The following BCL9 variants were observed in gnomAD, a reference collection of about 807,000 sequenced individuals.
BCL9 encodes the protein B-cell CLL/lymphoma 9 protein.
A neutral mutation model predicts 88.5 loss-of-function variants in BCL9; 25 were observed. That is an observed-to-expected ratio of 0.28 (90% CI 0.21 to 0.39). The LOEUF is 0.39. Ranked by LOEUF, BCL9 falls within the 10% of genes least tolerant of loss-of-function variation. BCL9 has a pLI of 1.00. For synonymous variants in BCL9, 711 were observed against 673.3 expected, an observed-to-expected ratio of 1.06 and a Z score of -0.87; for missense variants, 1,817 against 1,877.8, an observed-to-expected ratio of 0.97 and a Z score of 0.60.
At chr1:147,544,445 C>T in intron 1 of BCL9, among the ~76,000 whole-genome samples, 1 of 152,154 alleles carries the variant, frequency 6.6e-6, no homozygotes, top group East Asian at 1.9e-4. Context: ...TTTCTTAGCA[C>T]ACAGACCAAC....
chr1:147,563,665 G>A (rs1280358873), intron 1 of BCL9, among the ~76,000 whole-genome samples: 6 of 152,204 alleles, frequency 3.9e-5, no homozygotes, highest in African/African-American at 1.4e-4. Context: ...CAGTGTCCAA[G>A]TGAGTGTCCT....
rs139276872 is a variant in BCL9 at position 147,615,840 on chromosome 1, A to G, written c.598A>G (p.Ile200Val). The G allele has an allele frequency of 3.5e-5, 56 of 1,614,082 alleles. No homozygotes were observed. The highest frequency in any genetic ancestry group is 4.4e-5 in the Non-Finnish European group (52 of 1,180,038). ...TGTTTTGAAGGGCCAGGTTGAAACTATCGTCTCTTTCCACATCCAGAACAT... is the reference window on the plus strand; with the variant it reads ...TGTTTTGAAGGGCCAGGTTGAAACTGTCGTCTCTTTCCACATCCAGAACAT... ...EAVLKGQVET[I>V]VSFHIQNISN... is the part of the protein sequence containing the mutation. The change falls in exon 7 of 10, where the codon ATC (isoleucine) becomes GTC (valine). Residue 200 changes from isoleucine (I) to valine (V), a missense_variant. Physicochemically the swap from Ile to Val is conservative, Grantham distance 29. Transcript: ENST00000234739.
intron 1 of BCL9, among the ~76,000 whole-genome samples, chr1:147,554,868 T>A (rs1219223267): frequency 6.6e-6 from 1 of 151,962 alleles, no homozygotes; most frequent in Non-Finnish European, 1.5e-5. Context: ...TTGTTGAGAG[T>A]GCTTGCCTCA....
At chr1:147,550,678 C>T (rs915237034) in intron 1 of BCL9, among the ~76,000 whole-genome samples, 30 of 152,020 alleles carry the variant, frequency 2.0e-4, no homozygotes, top group African/African-American at 7.0e-4. Context: ...GCTTCAAAGC[C>T]TGTGCTTTCT....
intron 1 of BCL9, among the ~76,000 whole-genome samples, chr1:147,567,071 C>T (rs1488834809): frequency 3.3e-5 from 5 of 152,130 alleles, no homozygotes; most frequent in Non-Finnish European, 7.3e-5. Flanking sequence ...CATTCCAATA[C>T]TGATATTATC....
At chr1:147,589,151 T>C (rs112672361) in intron 1 of BCL9, among the ~76,000 whole-genome samples, 170 of 152,320 alleles carry the variant, frequency 1.1e-3, no homozygotes, top group African/African-American at 3.8e-3. Context: ...ATCTTCCTTT[T>C]CTCTTGCATA....
At chr1:147,542,979 A>G (rs1004662476) in intron 1 of BCL9, among the ~76,000 whole-genome samples, 15 of 152,306 alleles carry the variant, frequency 9.8e-5, no homozygotes, top group Non-Finnish European at 4.4e-5. Context: ...GAGAGTAAAT[A>G]TCTTACTGTG....
At chr1:147,542,108 A>T (rs1553193864) in intron 1 of BCL9, among the ~76,000 whole-genome samples, 1 of 152,110 alleles carries the variant, frequency 6.6e-6, no homozygotes, top group Non-Finnish European at 1.5e-5. Flanking sequence ...CCGCCGAGTG[A>T]CTGCAGAGAT....
At chr1:147,588,804 C>A (rs2101566527) in intron 1 of BCL9, among the ~76,000 whole-genome samples, 1 of 152,304 alleles carries the variant, frequency 6.6e-6, no homozygotes, top group South Asian at 2.1e-4. Flanking sequence ...TTTTGAGACC[C>A]TGCACTCCCT....
chr1:147,625,373 G>C lies in BCL9; in HGVS notation c.*414G>C, dbSNP rs1553206452. The C allele has an allele frequency of 4.2e-6, 1 of 238,260 alleles. No homozygotes were observed. Among genetic ancestry groups the C allele is most frequent in the Non-Finnish European group, 8.3e-6 (1 of 120,876 alleles). 14.8% of individuals were successfully genotyped at this position (238,260 alleles called of 1,614,324 possible). A position where few individuals can be genotyped will look rare whatever the true frequency, so the allele number is the denominator to read the frequency against. ...TGGGCTTTATTTTTTTCTGTGTACT[G>C]TACTATATTGTAAAAGGGATTTTAG... On this transcript the variant is annotated 3_prime_UTR_variant, in exon 10 of 10. Coordinates refer to ENST00000234739, the MANE Select transcript of BCL9 (RefSeq NM_004326.4).
At position 147,620,890 on chromosome 1, in the gene BCL9, G is replaced by T. The variant is rs1553205234; in HGVS notation, c.2735G>T (p.Gly912Val). ...TCCATTAAGTCCCCCCCTGTTTTGG[G>T]GTCTGCTGCTGCTTCACCTGTCCAC... is the stretch of plus-strand genomic sequence containing the variant. ...AASIKSPPVL[G>V]SAAASPVHLK... The change falls in exon 8 of 10, where the codon GGG becomes GTG. Residue 912 changes from glycine (G) to valine (V), a missense_variant. Gly to Val is a moderately radical substitution (Grantham distance 109). Around this residue, in one of 2 missense-constraint regions of BCL9, gnomAD observed 1,228 missense variants for 1,191.6 expected, o/e 1.03. Transcript: ENST00000234739. The T allele has an allele frequency of 2.5e-6, 4 of 1,613,964 alleles. No individual in the cohort carries two copies. The African/African-American group carries it at 5.3e-5, about 22-fold the overall frequency.
chr1:147,624,777 G>T lies in BCL9; in HGVS notation c.4099G>T (p.Gly1367Trp), dbSNP rs782351868. 6.2e-7 allele frequency: 1 copy of T among 1,614,096 alleles called. No individual in the cohort carries two copies. The highest frequency in any genetic ancestry group is 1.7e-5 in the Admixed American group (1 of 60,010). The part of the protein sequence containing the change: ...MIPGKDRGPA[G>W]LYTHPGPVGS... ...TCCTGGCAAGGATCGGGGGCCTGCCGGGCTCTACACCCACCCTGGGCCTGT... is the reference window on the plus strand; with the variant it reads ...TCCTGGCAAGGATCGGGGGCCTGCCTGGCTCTACACCCACCCTGGGCCTGT... Residue 1367 changes from glycine to tryptophan, a missense_variant, in exon 10 of 10, where the codon GGG (glycine) becomes TGG (tryptophan). Gly to Trp is a radical substitution (Grantham distance 184). Coordinates refer to ENST00000234739, the MANE Select transcript of BCL9 (RefSeq NM_004326.4). The surrounding 1 kb of genome is among the most constrained non-coding windows in gnomAD (Gnocchi z 4.4).
At chr1:147,617,431 A>G (rs1020988402) in intron 7 of BCL9, among the ~76,000 whole-genome samples, 2 of 152,216 alleles carry the variant, frequency 1.3e-5, no homozygotes, top group African/African-American at 4.8e-5. Flanking sequence ...AAATGGCACT[A>G]GAAGGAAAAT....
intron 1 of BCL9, among the ~76,000 whole-genome samples, chr1:147,573,008 C>T (rs1158073094): frequency 2.6e-5 from 4 of 152,216 alleles, no homozygotes; most frequent in Admixed American, 2.0e-4. Flanking sequence ...TATGTGTGTA[C>T]TCACATGTGT....
At position 147,548,597 on chromosome 1, in the gene BCL9, AT is replaced by A. The variant is rs1654727946; in HGVS notation, c.-478+6925del. 4.6e-5 allele frequency among the ~76,000 whole-genome samples: 7 copies of A among 152,316 alleles called. No individual in the cohort carries two copies. The South Asian group carries it at 1.4e-3, about 32-fold the overall frequency. ...TGCTCTGGGCTGTGGCCCCTCAAAGATTGGGATTGTTTGTAGTTTTTGTACC... is the reference window on the plus strand; with the variant it reads ...TGCTCTGGGCTGTGGCCCCTCAAAGATGGGATTGTTTGTAGTTTTTGTACC... On this transcript the variant is annotated intron_variant, in intron 1 of 9. Transcript: ENST00000234739.
intron 1 of BCL9, among the ~76,000 whole-genome samples, chr1:147,569,206 G>A (rs1415873647): frequency 2.6e-5 from 4 of 151,804 alleles, no homozygotes; most frequent in Admixed American, 2.6e-4. Context: ...AATGTGCAAG[G>A]TCATGGAGCT....
At chr1:147,594,734 AAG>A (rs1453615651) in intron 1 of BCL9, among the ~76,000 whole-genome samples, 1 of 152,206 alleles carries the variant, frequency 6.6e-6, no homozygotes, top group African/African-American at 2.4e-5. Context: ...AACAACTAAA[AAG>A]AGATTCAGGG....
At chr1:147,604,155 G>T (rs1570892556) in intron 1 of BCL9, among the ~76,000 whole-genome samples, 1 of 152,034 alleles carries the variant, frequency 6.6e-6, no homozygotes, top group African/African-American at 2.4e-5. Context: ...ACTTCCATTC[G>T]CCATTGAAGG....
chr1:147,624,456 C>A lies in BCL9; in HGVS notation c.3778C>A (p.Arg1260Ser). The A allele has an allele frequency of 6.2e-7, 1 of 1,614,202 alleles. No individual in the cohort carries two copies. Among genetic ancestry groups the A allele is most frequent in the Non-Finnish European group, 8.5e-7 (1 of 1,180,028 alleles). ...TTTCCCTCGAGGGGAAGTTCCAGGC[C>A]GTAAACAGCCCCAGGGTCCTGGACC... ...QYFPRGEVPG[R>S]KQPQGPGPGF... is the part of the protein sequence containing the mutation. Residue 1260 changes from arginine (R) to serine (S), a missense_variant, in exon 10 of 10, where the codon CGT becomes AGT. By Grantham distance (110) the Arg-to-Ser change is moderately radical. This residue lies in a region of BCL9 where 589 missense variants were observed against 686.2 expected (regional missense o/e 0.86). Transcript: ENST00000234739. This position sits in a 1 kb window ranked among gnomAD's most constrained non-coding sequence, Gnocchi z 4.4.
Sources: allele counts gnomAD v4.1 joint callset (sites outside exome capture counted in the v4.1 genomes callset), GRCh38; gene constraint gnomAD v4.1.1; regional missense constraint gnomAD v4.1.1; non-coding constraint Gnocchi (gnomAD v3.1); transcripts MANE v1.5; gene names NCBI Gene and HGNC (gene_info 2026-07-23, HGNC 2026-07-21).